The following AVEN variants were observed in gnomAD, a reference collection of about 807,000 sequenced individuals.
The protein encoded by AVEN is apoptosis and caspase activation inhibitor.
Under a neutral mutation model 38.1 loss-of-function variants are expected in AVEN, and 41 were observed. That is an observed-to-expected ratio of 1.08 (90% confidence interval 0.84 to 1.40). The LOEUF (loss-of-function observed/expected upper bound fraction) is 1.40, where lower values mean the gene tolerates loss of function less well. Among genes scored for constraint, AVEN ranks in the 40% most tolerant of loss-of-function variants. The pLI, the probability that AVEN is intolerant of heterozygous loss-of-function variation, is 0.00. For missense variants in AVEN, 605 were observed against 438.8 expected, an observed-to-expected ratio of 1.38 and a Z score of -3.38; for synonymous variants, 206 against 171.8, an observed-to-expected ratio of 1.20 and a Z score of -1.56.
chr15:34,045,244 G>A (rs984585207), intron 5 of AVEN, among the ~76,000 whole-genome samples: 3 of 152,108 alleles, frequency 2.0e-5, no homozygotes, highest in Non-Finnish European at 2.9e-5. Context: ...GCACACTAGT[G>A]AACACAAAGT....
intron 1 of AVEN, among the ~76,000 whole-genome samples, chr15:34,073,050 C>CT (rs1567498192): frequency 3.7e-5 from 5 of 136,760 alleles, no homozygotes; most frequent in Admixed American, 7.3e-5. Context: ...TTTTCTTTTT[C>CT]TTTTTTTTGA....
At chr15:33,864,314 CACCTTTTTGTGACTCAATA>C, downstream of AVEN, 1 of 732,664 alleles carries the variant, frequency 1.4e-6, no homozygotes. Context: ...ATTTTCCCAT[CACCTTTTTGTGACTCAATA>C]AGAAGCCAAA....
At chr15:33,863,039 GTAC>G, downstream of AVEN, among the ~76,000 whole-genome samples, 1 of 152,328 alleles carries the variant, frequency 6.6e-6, no homozygotes, top group East Asian at 1.9e-4. Context: ...CCACGTGTCT[GTAC>G]CCATGGGTTA....
intron 2 of AVEN, among the ~76,000 whole-genome samples, chr15:33,923,397 C>G (rs1253838178): frequency 6.6e-6 from 1 of 152,184 alleles, no homozygotes; most frequent in Non-Finnish European, 1.5e-5. Flanking sequence ...AAGCATATTA[C>G]TTGATTTATT....
At chr15:33,891,115 A>AC (rs1417033971) in intron 2 of AVEN, among the ~76,000 whole-genome samples, 1 of 152,080 alleles carries the variant, frequency 6.6e-6, no homozygotes, top group African/African-American at 2.4e-5. Context: ...AAAAAAAAAA[A>AC]TCCTAAAAGA....
intron 11 of AVEN, chr15:33,860,669 C>A (rs898192253): frequency 6.4e-7 from 1 of 1,557,542 alleles, no homozygotes; most frequent in Admixed American, 1.8e-5. Context: ...GGTAATGTTA[C>A]TCTAACTACT....
chr15:33,967,359 G>A (rs1168881883), intron 2 of AVEN, among the ~76,000 whole-genome samples: 2 of 152,086 alleles, frequency 1.3e-5, no homozygotes, highest in African/African-American at 2.4e-5. Context: ...GATATTATAT[G>A]ACTCCAGAGG....
chr15:34,067,470 T>G (rs1165436164), intron 2 of AVEN: 1 of 152,242 alleles, frequency 6.6e-6, no homozygotes, highest in African/African-American at 2.4e-5. Flanking sequence ...AGTGGTCCAA[T>G]GCAGAGCATT....
At chr15:33,885,193 G>A (rs113014178) in intron 2 of AVEN, among the ~76,000 whole-genome samples, 28 of 152,276 alleles carry the variant, frequency 1.8e-4, no homozygotes, top group African/African-American at 6.5e-4. Flanking sequence ...CACAGAGGAG[G>A]AGAGAATGTC....
At chr15:33,938,036 C>G (rs1381527888) in intron 2 of AVEN, among the ~76,000 whole-genome samples, 2 of 146,010 alleles carry the variant, frequency 1.4e-5, no homozygotes, top group Non-Finnish European at 3.0e-5. Flanking sequence ...ATAATCATAA[C>G]ATAAAATCAT....
intron 5 of AVEN, among the ~76,000 whole-genome samples, chr15:34,060,561 A>T (rs1407028884): frequency 2.6e-5 from 4 of 152,178 alleles, no homozygotes; most frequent in Admixed American, 2.0e-4. Flanking sequence ...AATTGCCCAC[A>T]TGGGGTATTT....
At chr15:34,041,969 C>A (rs1458475654), upstream of AVEN, among the ~76,000 whole-genome samples, 4 of 152,176 alleles carry the variant, frequency 2.6e-5, no homozygotes, top group Non-Finnish European at 5.9e-5. Context: ...TTGTTTTTCT[C>A]AATTCAACCA....
intron 2 of AVEN, among the ~76,000 whole-genome samples, chr15:33,985,301 G>A (rs374355667): frequency 7.5e-5 from 8 of 106,754 alleles, no homozygotes; most frequent in Middle Eastern, 4.9e-3. Context: ...CATTGCCCCC[G>A]TCTCAGAGTG....
chr15:34,044,677 A>G (rs559864501), intron 5 of AVEN, among the ~76,000 whole-genome samples: 1 of 152,304 alleles, frequency 6.6e-6, no homozygotes, highest in Admixed American at 6.5e-5. Context: ...CTGTGGCAGG[A>G]GTCGACAGTG....
intron 2 of AVEN, among the ~76,000 whole-genome samples, chr15:33,943,824 A>T (rs1186917007): frequency 4.2e-3 from 44 of 10,396 alleles, no homozygotes; most frequent in Admixed American, 0.014. Context: ...CTCCGTCTTT[A>T]AAAAAAAAAA....
In AVEN at chr15:34,003,171, C is replaced by G; in HGVS notation, c.306G>C (p.Glu102Asp). The G allele has an allele frequency of 6.2e-7, 1 of 1,613,740 alleles. No homozygotes were observed. The highest frequency in any genetic ancestry group is 8.5e-7 in the Non-Finnish European group (1 of 1,179,916). Reference sequence around the variant, plus strand: ...TAGAATAATTTCCCTGTTCATCATTCTCTTCTCCATAGGTCTCTGCATCGC... The same window carrying G: ...TAGAATAATTTCCCTGTTCATCATTGTCTTCTCCATAGGTCTCTGCATCGC... ...DDSDAETYGE[E>D]NDEQGNYSKR... Residue 102 changes from glutamate (E) to aspartate (D), a missense_variant, in exon 2 of 6, where the codon GAG becomes GAC. By Grantham distance (45) the Glu-to-Asp change is conservative. Transcript: ENST00000306730.
chr15:34,046,887 A>T (rs751096559), intron 5 of AVEN: 1 of 151,886 alleles, frequency 6.6e-6, no homozygotes, highest in Non-Finnish European at 1.5e-5. Context: ...TGATTGTGCG[A>T]CCCCACCGGG....
rs1173075439 is a variant in AVEN, at chr15:33,972,736, T to C, written c.445+30296A>G. ...TTTTTGTAATCTTTGTTTGCAACAG[T>C]AGCCAAAAGACAAAGCAGACCAACT... is the stretch of plus-strand genomic sequence containing the variant. On this transcript the variant is annotated intron_variant, in intron 2 of 5. Transcript: ENST00000306730. 2.6e-5 allele frequency among the ~76,000 whole-genome samples: 4 copies of C among 152,162 alleles called. No individual in the cohort carries two copies. The East Asian group carries it at 5.8e-4, about 22-fold the overall frequency.
In AVEN at chr15:33,948,062, A is replaced by G. The variant is rs533595986; in HGVS notation, c.445+54970T>C. 2.6e-4 allele frequency among the ~76,000 whole-genome samples: 39 copies of G among 151,678 alleles called. 1 individual carries two copies. In the South Asian group the frequency reaches 7.4e-3, roughly 29 times the overall value. Reference sequence around the variant, plus strand: ...CATGCTATCTCTGAAAACATCCAACATATTTATGAGAGTATCAAACAATGT... The same window carrying G: ...CATGCTATCTCTGAAAACATCCAACGTATTTATGAGAGTATCAAACAATGT... On this transcript the variant is annotated intron_variant, in intron 2 of 5. Coordinates refer to ENST00000306730, the MANE Select transcript of AVEN (RefSeq NM_020371.3).
Sources: allele counts gnomAD v4.1 joint callset (sites outside exome capture counted in the v4.1 genomes callset), GRCh38; gene constraint gnomAD v4.1.1; transcripts MANE v1.5; gene names NCBI Gene and HGNC (gene_info 2026-07-23, HGNC 2026-07-21).